DNER: variants seen among roughly 807,000 people sequenced by gnomAD.
The protein encoded by DNER is delta and Notch-like epidermal growth factor-related receptor.
In DNER, 33 loss-of-function variants were observed where a neutral mutation model predicts 78.2. That is an observed-to-expected ratio of 0.42 (90% CI 0.32 to 0.56). The LOEUF (loss-of-function observed/expected upper bound fraction) is 0.56. DNER is among the 20% of genes least tolerant of loss of function. DNER has a pLI of 0.11. For missense variants in DNER, 918 were observed against 975.3 expected (o/e 0.94, Z 0.78); for synonymous variants, 417 against 384.8 (o/e 1.08, Z -0.98).
In DNER at chr2:229,389,540, A is replaced by G. The variant is rs181145551; in HGVS notation, c.1724-1144T>C. 5.4e-4 allele frequency among the ~76,000 whole-genome samples: 82 copies of G among 152,322 alleles called. 1 individual carries two copies. The highest frequency in any genetic ancestry group is 2.9e-4 in the Non-Finnish European group (20 of 68,022). On this transcript the variant is annotated intron_variant, in intron 10 of 12. Transcript: ENST00000341772. ...CAAAACTCCTAGCATGGCTATGGTC[A>G]TGGACTAAAGCATATGGACAAAATC... is the stretch of plus-strand genomic sequence containing the variant.
rs558280916 is a variant in DNER at position 229,655,184 on chromosome 2, A to C, written c.276+58964T>G. On this transcript the variant is annotated intron_variant, in intron 1 of 12. Coordinates refer to ENST00000341772, the MANE Select transcript of DNER (RefSeq NM_139072.4). ...CACCAACACCCCTCAAAGCTGCATG[A>C]TATCTTTACATATTAGGCCAGGTGC... Among the ~76,000 whole-genome samples, 7 of 152,156 alleles carry C rather than the reference A, an allele frequency of 4.6e-5. No homozygotes were observed. In the South Asian group the frequency reaches 1.5e-3, roughly 32 times the overall value.
At chr2:229,444,732 T>C (rs555132128) in intron 8 of DNER, among the ~76,000 whole-genome samples, 1 of 151,942 alleles carries the variant, frequency 6.6e-6, no homozygotes, top group South Asian at 2.1e-4. Flanking sequence ...CTAGTAAACA[T>C]ACAAAAATTA....
chr2:229,545,439 G>C (rs1181267264), intron 5 of DNER, among the ~76,000 whole-genome samples: 1 of 152,236 alleles, frequency 6.6e-6, no homozygotes, highest in African/African-American at 2.4e-5. Flanking sequence ...GCTGGACACA[G>C]CGGCACATGC....
At chr2:229,672,266 G>A (rs1559203716) in intron 1 of DNER, among the ~76,000 whole-genome samples, 1 of 152,234 alleles carries the variant, frequency 6.6e-6, no homozygotes, top group East Asian at 1.9e-4. Flanking sequence ...GATTCCAACA[G>A]CTATGGCCAA....
intron 2 of DNER, among the ~76,000 whole-genome samples, chr2:229,588,919 A>G (rs1242845565): frequency 6.6e-6 from 1 of 152,244 alleles, no homozygotes; most frequent in Admixed American, 6.5e-5. Flanking sequence ...TTCGACTTGC[A>G]AAGTGCATGC....
At chr2:229,562,579 A>G (rs1469009507) in intron 4 of DNER, among the ~76,000 whole-genome samples, 1 of 152,124 alleles carries the variant, frequency 6.6e-6, no homozygotes, top group Non-Finnish European at 1.5e-5. Flanking sequence ...CTTCCTGATT[A>G]GTGGCTTTAC....
At chr2:229,444,273 T>C (rs12694815) in intron 8 of DNER, among the ~76,000 whole-genome samples, 64,080 of 152,042 alleles carry the variant, frequency 0.42, 15,500 homozygotes, top group Non-Finnish European at 0.55. Flanking sequence ...GAGCTTTCAC[T>C]AGTCCATGCC....
At chr2:229,685,878 T>G (rs1699474472) in intron 1 of DNER, among the ~76,000 whole-genome samples, 1 of 152,088 alleles carries the variant, frequency 6.6e-6, no homozygotes, top group African/African-American at 2.4e-5. Flanking sequence ...AGCAAGGGGC[T>G]AAGGTCAGTG....
At chr2:229,456,019 A>G (rs1399105175) in intron 7 of DNER, among the ~76,000 whole-genome samples, 3 of 152,108 alleles carry the variant, frequency 2.0e-5, no homozygotes, top group Non-Finnish European at 4.4e-5. Flanking sequence ...GTATAGCAGT[A>G]TATTAGTCCA....
chr2:229,609,552 G>A (rs77694161), intron 1 of DNER, among the ~76,000 whole-genome samples: 8,898 of 152,160 alleles, frequency 0.058, 353 homozygotes, highest in East Asian at 0.14. Flanking sequence ...ACAGGTGAAC[G>A]GTTGCCACAG....
intron 1 of DNER, among the ~76,000 whole-genome samples, chr2:229,677,261 C>G (rs1699313666): frequency 6.6e-6 from 1 of 152,110 alleles, no homozygotes; most frequent in South Asian, 2.1e-4. Context: ...CTCTCCAGGT[C>G]AAGGAGAGCG....
In DNER at chr2:229,648,238, T is replaced by C. The variant is rs372952088; in HGVS notation, c.277-56350A>G. ...TCCCATTAACCTAGATACGGGACTG[T>C]ACCAGGATCATGTTTGCAACCCAGG... On this transcript the variant is annotated intron_variant, in intron 1 of 12. Transcript: ENST00000341772. Among the ~76,000 whole-genome samples the C allele has an allele frequency of 3.3e-5, 5 of 152,346 alleles. No homozygotes were observed. In the East Asian group the frequency reaches 7.7e-4, roughly 23 times the overall value.
intron 6 of DNER, among the ~76,000 whole-genome samples, chr2:229,490,722 A>G (rs559329122): frequency 1.3e-5 from 2 of 152,272 alleles, no homozygotes; most frequent in African/African-American, 4.8e-5. Context: ...ACTTGCTGGT[A>G]TGTGGATTGT....
At chr2:229,611,683 C>T (rs547378390) in intron 1 of DNER, among the ~76,000 whole-genome samples, 1 of 152,206 alleles carries the variant, frequency 6.6e-6, no homozygotes, top group East Asian at 1.9e-4. Flanking sequence ...GTTTCACCTT[C>T]GCTTTACAGA....
intron 5 of DNER, among the ~76,000 whole-genome samples, chr2:229,530,286 T>A (rs1186905481): frequency 2.6e-5 from 4 of 152,142 alleles, no homozygotes; most frequent in Non-Finnish European, 2.9e-5. Context: ...AAAAACAAAA[T>A]GCATAAATGA....
intron 7 of DNER, among the ~76,000 whole-genome samples, chr2:229,450,470 A>T (rs928605215): frequency 1.3e-5 from 2 of 152,232 alleles, no homozygotes; most frequent in African/African-American, 4.8e-5. Context: ...GCGTCCCTCC[A>T]AAATTCATAT....
At chr2:229,556,712 G>A (rs967654674) in intron 4 of DNER, among the ~76,000 whole-genome samples, 2 of 152,124 alleles carry the variant, frequency 1.3e-5, no homozygotes, top group Non-Finnish European at 2.9e-5. Flanking sequence ...TTCTGTATTA[G>A]CTTTATTTGC....
intron 1 of DNER, among the ~76,000 whole-genome samples, chr2:229,711,445 G>C (rs553059556): frequency 6.6e-6 from 1 of 152,266 alleles, no homozygotes; most frequent in African/African-American, 2.4e-5. Context: ...AATCCTAGGA[G>C]TTTCCATGAC....
In DNER at chr2:229,668,516, A is replaced by ATGTGTG. The variant is rs60983481; in HGVS notation, c.276+45626_276+45631dup. On this transcript the variant is annotated intron_variant, in intron 1 of 12. Transcript: ENST00000341772. ...TATACTTACCTATATATAGGTAAGTATGTGTGTGTGTGTGTGTGTGTATAT... is the reference window on the plus strand; with the variant it reads ...TATACTTACCTATATATAGGTAAGTATGTGTGTGTGTGTGTGTGTGTGTGTGTATAT... Among the ~76,000 whole-genome samples, 16 of 60,004 alleles carry ATGTGTG rather than the reference A, an allele frequency of 2.7e-4. 1 individual carries two copies. The highest frequency in any genetic ancestry group is 1.3e-3 in the African/African-American group (14 of 11,154). The allele number at this position is 60,004 out of a possible 152,430, so 39.4% of individuals were successfully genotyped here.
Sources: gnomAD v4.1 joint callset for allele counts (sites outside exome capture counted in the v4.1 genomes callset) on GRCh38, gnomAD v4.1.1 for gene constraint, MANE v1.5 for transcripts, NCBI Gene and HGNC (gene_info 2026-07-23, HGNC 2026-07-21) for gene names.